The following SLC35F4 variants were observed in gnomAD, a reference collection of about 807,000 sequenced individuals.
The protein encoded by SLC35F4 is solute carrier family 35 member F4, also known as chromosome 14 open reading frame 36.
SLC35F4 carries 24 observed loss-of-function variants against 44.2 expected under a neutral mutation model. That is an observed-to-expected ratio of 0.54 (90% confidence interval 0.39 to 0.76). The LOEUF (loss-of-function observed/expected upper bound fraction) is 0.76, where lower values mean the gene tolerates loss of function less well. SLC35F4 is among the 30% of genes least tolerant of loss of function. The pLI, the probability that SLC35F4 is intolerant of heterozygous loss-of-function variation, is 0.00. For synonymous variants in SLC35F4, 238 were observed against 223.6 expected (o/e 1.06, Z -0.57); for missense variants, 562 against 586.1 (o/e 0.96, Z 0.42).
intron 1 of SLC35F4, among the ~76,000 whole-genome samples, chr14:57,767,075 T>G (rs1485273380): frequency 6.6e-6 from 1 of 152,120 alleles, no homozygotes; most frequent in Non-Finnish European, 1.5e-5. Context: ...CAACAGAGCC[T>G]CAATATATAT....
chr14:57,676,002 G>T (rs559685550), intron 1 of SLC35F4, among the ~76,000 whole-genome samples: 1 of 152,072 alleles, frequency 6.6e-6, no homozygotes, highest in East Asian at 1.9e-4. Flanking sequence ...GCTCAGCAAA[G>T]GAAATAATCA....
intron 1 of SLC35F4, among the ~76,000 whole-genome samples, chr14:57,828,018 C>T (rs1232883142): frequency 6.6e-6 from 1 of 152,146 alleles, no homozygotes; most frequent in Non-Finnish European, 1.5e-5. Context: ...AGTTTCTTCT[C>T]ATATAATTTC....
chr14:57,687,320 C>G (rs186888030), intron 1 of SLC35F4, among the ~76,000 whole-genome samples: 1 of 152,080 alleles, frequency 6.6e-6, no homozygotes, highest in Non-Finnish European at 1.5e-5. Flanking sequence ...TACCATGGGA[C>G]GTATTGAATT....
chr14:57,718,405 T>G (rs1032577897), intron 1 of SLC35F4, among the ~76,000 whole-genome samples: 8 of 152,212 alleles, frequency 5.3e-5, no homozygotes, highest in Non-Finnish European at 7.3e-5. Flanking sequence ...ATTCTAGTTT[T>G]TTGAGGAACC....
intron 1 of SLC35F4, among the ~76,000 whole-genome samples, chr14:57,693,926 A>G (rs1023962807): frequency 6.6e-6 from 1 of 152,190 alleles, no homozygotes; most frequent in African/African-American, 2.4e-5. Context: ...TAAATCTGGT[A>G]TATTTATGAT....
At chr14:57,966,974 C>A (rs1374779012) in intron 1 of SLC35F4, among the ~76,000 whole-genome samples, 7 of 151,384 alleles carry the variant, frequency 4.6e-5, no homozygotes, top group African/African-American at 1.7e-4. Context: ...TGCGCCTCTG[C>A]GTTCCAGCCT....
chr14:57,839,635 A>C (rs2140957050), intron 1 of SLC35F4, among the ~76,000 whole-genome samples: 1 of 152,262 alleles, frequency 6.6e-6, no homozygotes. Context: ...CAGAAAGAAT[A>C]GCTAATGGGG....
chr14:57,977,169 T>C (rs1881243246), intron 1 of SLC35F4, among the ~76,000 whole-genome samples: 2 of 152,150 alleles, frequency 1.3e-5, no homozygotes, highest in South Asian at 2.1e-4. Context: ...GAAAAAGATA[T>C]AGTGCTTAGG....
intron 1 of SLC35F4, among the ~76,000 whole-genome samples, chr14:57,693,804 T>C (rs1192193960): frequency 6.6e-6 from 1 of 152,088 alleles, no homozygotes; most frequent in Non-Finnish European, 1.5e-5. Context: ...ATTTGTCCCC[T>C]AACTTTTTTT....
At chr14:57,632,238 G>T (rs1404476957) in intron 1 of SLC35F4, among the ~76,000 whole-genome samples, 11 of 152,186 alleles carry the variant, frequency 7.2e-5, no homozygotes, top group African/African-American at 2.6e-4. Flanking sequence ...AAAGAGGAAA[G>T]TTGTGGGGTT....
intron 1 of SLC35F4, among the ~76,000 whole-genome samples, chr14:57,669,797 TTG>T (rs2074451418): frequency 1.3e-5 from 2 of 152,114 alleles, no homozygotes; most frequent in Admixed American, 6.5e-5. Flanking sequence ...ATTCTCTTTT[TTG>T]TTGTGTCTCT....
In SLC35F4 at chr14:57,590,393, T is replaced by TA. The variant is rs749617291; in HGVS notation, c.290-881dup. On this transcript the variant is annotated intron_variant, in intron 2 of 7. Transcript: ENST00000556826. ...GGGTGACAGAAGGAGACCCAGTCTC[T>TA]AAAAAAAATGCAACAGAGATGATTA... Among the ~76,000 whole-genome samples the TA allele has an allele frequency of 4.6e-5, 7 of 151,490 alleles. No homozygotes were observed. The East Asian group carries it at 5.8e-4, about 13-fold the overall frequency.
chr14:57,588,353 C>G (rs1351473413), intron 3 of SLC35F4, among the ~76,000 whole-genome samples: 1 of 127,746 alleles, frequency 7.8e-6, no homozygotes, highest in East Asian at 2.1e-4. Context: ...CCACTGGTGT[C>G]CCTATTTTTT....
chr14:57,607,250 G>T (rs947683198), intron 1 of SLC35F4, among the ~76,000 whole-genome samples: 1 of 152,172 alleles, frequency 6.6e-6, no homozygotes, highest in Non-Finnish European at 1.5e-5. Context: ...AAATAAATGG[G>T]CAGACGAGCA....
chr14:57,635,645 G>A (rs989199229), intron 1 of SLC35F4, among the ~76,000 whole-genome samples: 4 of 152,040 alleles, frequency 2.6e-5, no homozygotes, highest in African/African-American at 7.2e-5. Flanking sequence ...CAGTAAAGGA[G>A]ACAGATGCTT....
At chr14:57,732,094 T>C (rs769869790) in intron 1 of SLC35F4, among the ~76,000 whole-genome samples, 5 of 152,232 alleles carry the variant, frequency 3.3e-5, no homozygotes, top group African/African-American at 4.8e-5. Context: ...AGGTCTCATA[T>C]TTATATTTCA....
intron 1 of SLC35F4, among the ~76,000 whole-genome samples, chr14:57,875,843 T>C (rs1888388657): frequency 6.6e-6 from 1 of 152,198 alleles, no homozygotes; most frequent in African/African-American, 2.4e-5. Context: ...TGGATTCTGC[T>C]ACATCCAACT....
intron 1 of SLC35F4, among the ~76,000 whole-genome samples, chr14:57,731,436 A>G (rs1193689659): frequency 1.3e-5 from 2 of 152,172 alleles, no homozygotes; most frequent in African/African-American, 4.8e-5. Context: ...TGGGAGGGTC[A>G]TCCAGACACC....
chr14:57,956,767 G>A (rs1306766616), intron 1 of SLC35F4, among the ~76,000 whole-genome samples: 1 of 152,146 alleles, frequency 6.6e-6, no homozygotes, highest in East Asian at 1.9e-4. Context: ...AGTTAGAATA[G>A]CGATCATTAA....
Sources: allele counts gnomAD v4.1 joint callset (sites outside exome capture counted in the v4.1 genomes callset), GRCh38; gene constraint gnomAD v4.1.1; transcripts MANE v1.5; gene names NCBI Gene and HGNC (gene_info 2026-07-23, HGNC 2026-07-21).